The following COL23A1 variants were observed in gnomAD, a reference collection of about 807,000 sequenced individuals.
The protein encoded by COL23A1 is collagen alpha-1(XXIII) chain.
Under a neutral mutation model 99.3 loss-of-function variants are expected in COL23A1, and 97 were observed. The ratio of observed to expected loss-of-function variants is 0.98; its 90% confidence interval spans 0.83 to 1.16. COL23A1 has a LOEUF of 1.16. COL23A1 is among the 50% of genes most tolerant of loss of function. COL23A1 has a pLI of 0.00. For missense variants in COL23A1, 762 were observed against 757.4 expected (o/e 1.01, Z -0.07); for synonymous variants, 320 against 308.2 (o/e 1.04, Z -0.40).
In COL23A1 at chr5:178,550,713, C is replaced by T. The variant is rs1483827974; in HGVS notation, c.361+9969G>A. Among the ~76,000 whole-genome samples the T allele has an allele frequency of 3.3e-5, 5 of 152,088 alleles. No individual in the cohort carries two copies. In the East Asian group the frequency reaches 9.6e-4, roughly 29 times the overall value. On this transcript the variant is annotated intron_variant, in intron 2 of 28. Coordinates refer to ENST00000390654, the MANE Select transcript of COL23A1 (RefSeq NM_173465.4). ...ACTGAACCTGTCCCCCAGGAAAGGC[C>T]GCTACAGCATGTGGGTGAGCTCCTG... is the stretch of plus-strand genomic sequence containing the variant.
intron 1 of COL23A1, among the ~76,000 whole-genome samples, chr5:178,563,732 A>G (rs112587855): frequency 0.014 from 2,097 of 151,816 alleles, 61 homozygotes; most frequent in African/African-American, 0.048. Context: ...GGGTTTCACT[A>G]TGTTGCCCAG....
intron 2 of COL23A1, among the ~76,000 whole-genome samples, chr5:178,528,677 G>T (rs1424423370): frequency 6.6e-6 from 1 of 152,230 alleles, no homozygotes; most frequent in African/African-American, 2.4e-5. Flanking sequence ...GGGCATAGTG[G>T]CACGTGCCTG....
intron 2 of COL23A1, among the ~76,000 whole-genome samples, chr5:178,410,887 G>T (rs891420706): frequency 6.6e-6 from 1 of 151,960 alleles, no homozygotes; most frequent in Non-Finnish European, 1.5e-5. Context: ...AATACTAATA[G>T]TAATTCAGAA....
In COL23A1 at chr5:178,370,522, A is replaced by G. The variant is rs115879972; in HGVS notation, c.362-63603T>C. On this transcript the variant is annotated intron_variant, in intron 2 of 28. Transcript: ENST00000390654. ...ACTTGGCGGCAGGGGATTGGGGGAC[A>G]TTGGCCAACGGATATAGAGTTTCAT... Among the ~76,000 whole-genome samples, 1,052 of 151,620 alleles carry G rather than the reference A, an allele frequency of 6.9e-3. 13 individuals are homozygous for G. Among genetic ancestry groups the G allele is most frequent in the African/African-American group, 0.024 (1,003 of 41,476 alleles).
intron 2 of COL23A1, among the ~76,000 whole-genome samples, chr5:178,385,634 G>T (rs933498074): frequency 6.6e-6 from 1 of 152,210 alleles, no homozygotes; most frequent in African/African-American, 2.4e-5. Context: ...GCTTCCCACA[G>T]ACTGGTGACT....
intron 2 of COL23A1, among the ~76,000 whole-genome samples, chr5:178,342,901 C>G (rs963996554): frequency 3.3e-5 from 5 of 152,120 alleles, no homozygotes; most frequent in African/African-American, 1.2e-4. Context: ...TAGAGAGATG[C>G]CTAAAAGTCC....
intron 2 of COL23A1, among the ~76,000 whole-genome samples, chr5:178,343,379 A>T (rs1760777560): frequency 1.3e-5 from 2 of 152,226 alleles, no homozygotes; most frequent in Non-Finnish European, 2.9e-5. Flanking sequence ...TTTTATTTAT[A>T]AAAAGAAAGG....
rs374220835 is a variant in COL23A1 at position 178,308,808 on chromosome 5, G to T, written c.362-1889C>A. ...GGTTATTAACTAAGCCCCAGGTTTG[G>T]GGGGCAGGTCAGCACTCTCGGGGGG... On this transcript the variant is annotated intron_variant, in intron 2 of 28. Transcript: ENST00000390654. The surrounding 1 kb of genome is among the most constrained non-coding windows in gnomAD (Gnocchi z 5.1). Among the ~76,000 whole-genome samples the T allele has an allele frequency of 9.5e-5, 13 of 137,194 alleles. No individual in the cohort carries two copies. The East Asian group carries it at 1.2e-3, about 12-fold the overall frequency. The allele number at this position is 137,194 out of a possible 152,430, so 90.0% of individuals were successfully genotyped here.
rs141540849 is a variant in COL23A1 at position 178,425,422 on chromosome 5, A to AAAATAAAT, written c.362-118511_362-118504dup. ...GGGCAACAGAGCAAGACTCCATCTC[A>AAAATAAAT]AAATAAATAAATAAATAAATAAATA... is the stretch of plus-strand genomic sequence containing the variant. On this transcript the variant is annotated intron_variant, in intron 2 of 28. Coordinates refer to ENST00000390654, the MANE Select transcript of COL23A1 (RefSeq NM_173465.4). Among the ~76,000 whole-genome samples the AAAATAAAT allele has an allele frequency of 6.6e-3, 946 of 142,996 alleles. 4 individuals carry two copies. Among genetic ancestry groups the AAAATAAAT allele is most frequent in the Admixed American group, 0.016 (224 of 14,152 alleles). 93.8% of individuals were successfully genotyped at this position (142,996 alleles called of 152,430 possible). A position where few individuals can be genotyped will look rare whatever the true frequency, so the allele number is the denominator to read the frequency against.
intron 2 of COL23A1, among the ~76,000 whole-genome samples, chr5:178,364,156 G>A (rs1442584799): frequency 6.6e-6 from 1 of 152,162 alleles, no homozygotes; most frequent in Non-Finnish European, 1.5e-5. Flanking sequence ...GTGCTTTTCT[G>A]CACATTTCCG....
At chr5:178,381,933 G>A (rs185042949) in intron 2 of COL23A1, among the ~76,000 whole-genome samples, 19 of 152,330 alleles carry the variant, frequency 1.2e-4, no homozygotes, top group African/African-American at 4.6e-4. Context: ...ATCACACCCA[G>A]CATTGCCTGG....
intron 1 of COL23A1, among the ~76,000 whole-genome samples, chr5:178,576,340 C>T (rs2113687348): frequency 6.6e-6 from 1 of 152,236 alleles, no homozygotes; most frequent in African/African-American, 2.4e-5. Context: ...CCGGGTTCAA[C>T]CGATTCTCCT....
rs116433571 is a variant in COL23A1, at chr5:178,549,414, T to C, written c.361+11268A>G. Among the ~76,000 whole-genome samples, 534 of 152,254 alleles carry C rather than the reference T, an allele frequency of 3.5e-3. 1 individual carries two copies. Among genetic ancestry groups the C allele is most frequent in the African/African-American group, 0.012 (514 of 41,540 alleles). On this transcript the variant is annotated intron_variant, in intron 2 of 28. Coordinates refer to ENST00000390654, the MANE Select transcript of COL23A1 (RefSeq NM_173465.4). ...GGTACACATATTTAATAAAATATAA[T>C]ATACAGAAAACATGCAGAAAAAGTA... is the stretch of plus-strand genomic sequence containing the variant.
chr5:178,465,174 C>T (rs1300854029), intron 2 of COL23A1, among the ~76,000 whole-genome samples: 1 of 152,146 alleles, frequency 6.6e-6, no homozygotes, highest in African/African-American at 2.4e-5. Context: ...CCTTGCACAG[C>T]GTGTACACGG....
At chr5:178,512,756 G>A (rs962331214) in intron 2 of COL23A1, among the ~76,000 whole-genome samples, 3 of 152,118 alleles carry the variant, frequency 2.0e-5, no homozygotes, top group South Asian at 2.1e-4. Context: ...CCCCTTCCAC[G>A]CAGCCCCAAG....
intron 9 of COL23A1, 82 bp from the exon 10 acceptor site, chr5:178,262,334 C>T (rs1581476873): frequency 7.3e-7 from 1 of 1,371,382 alleles, no homozygotes; most frequent in Non-Finnish European, 1.0e-6. Context: ...AGACCCCGGG[C>T]TGGGGCTCTA....
At chr5:178,358,342 T>A (rs1581221846) in intron 2 of COL23A1, among the ~76,000 whole-genome samples, 1 of 121,570 alleles carries the variant, frequency 8.2e-6, no homozygotes, top group Non-Finnish European at 1.9e-5. Flanking sequence ...ATGTCTAATG[T>A]GTGTATTGTG....
At chr5:178,251,643 C>G (rs1164572001) in intron 17 of COL23A1, among the ~76,000 whole-genome samples, 2 of 152,182 alleles carry the variant, frequency 1.3e-5, no homozygotes, top group Non-Finnish European at 2.9e-5. Flanking sequence ...TTGCACGATG[C>G]TGAGGTTTGG....
At position 178,331,150 on chromosome 5, in the gene COL23A1, C is replaced by T. The variant is rs56367116; in HGVS notation, c.362-24231G>A. On this transcript the variant is annotated intron_variant, in intron 2 of 28. Coordinates refer to ENST00000390654, the MANE Select transcript of COL23A1 (RefSeq NM_173465.4). ...TGACTGGCCCCAAGTTGCAAGCTGG[C>T]AGAGGCACTGCCTCCGCTGTCATGC... is the stretch of plus-strand genomic sequence containing the variant. Among the ~76,000 whole-genome samples, 839 of 152,380 alleles carry T rather than the reference C, an allele frequency of 5.5e-3. 8 individuals carry two copies. Among genetic ancestry groups the T allele is most frequent in the African/African-American group, 0.019 (805 of 41,594 alleles).
Sources: gnomAD v4.1 joint callset for allele counts (sites outside exome capture counted in the v4.1 genomes callset) on GRCh38, gnomAD v4.1.1 for gene constraint, Gnocchi (gnomAD v3.1) non-coding constraint, MANE v1.5 for transcripts, NCBI Gene and HGNC (gene_info 2026-07-23, HGNC 2026-07-21) for gene names.